The following NLGN1 variants were observed in gnomAD, a reference collection of about 807,000 sequenced individuals.
The protein encoded by NLGN1 is neuroligin 1, also known as neuroligin-1.
In NLGN1, 12 loss-of-function variants were observed where a neutral mutation model predicts 65.5. The observed-to-expected ratio is 0.18, with a 90% CI of 0.12 to 0.30. The LOEUF is 0.30. NLGN1 is among the 10% of genes least tolerant of loss of function. The pLI, the probability that NLGN1 is intolerant of heterozygous loss-of-function variation, is 1.00. For missense variants in NLGN1, 750 were observed against 1,007.1 expected, an observed-to-expected ratio of 0.74 and a Z score of 3.46; for synonymous variants, 350 against 359.5, an observed-to-expected ratio of 0.97 and a Z score of 0.30.
At chr3:173,520,098 C>T (rs1577078287) in intron 2 of NLGN1, among the ~76,000 whole-genome samples, 1 of 152,220 alleles carries the variant, frequency 6.6e-6, no homozygotes, top group East Asian at 1.9e-4. Context: ...CCTGCTTTGG[C>T]CATGTAAAAT....
chr3:173,918,807 A>T (rs1238846238), intron 4 of NLGN1, among the ~76,000 whole-genome samples: 1 of 151,500 alleles, frequency 6.6e-6, no homozygotes, highest in East Asian at 1.9e-4. Context: ...CCACATATTT[A>T]GTGTTATAAA....
At chr3:174,058,808 G>T (rs1736756010) in intron 4 of NLGN1, among the ~76,000 whole-genome samples, 1 of 151,722 alleles carries the variant, frequency 6.6e-6, no homozygotes, top group Non-Finnish European at 1.5e-5. Context: ...ATTTTTTTAA[G>T]AGGCATATTT....
intron 3 of NLGN1, among the ~76,000 whole-genome samples, chr3:173,667,971 T>C (rs1761948161): frequency 6.6e-6 from 1 of 152,164 alleles, no homozygotes; most frequent in Non-Finnish European, 1.5e-5. Flanking sequence ...CATATATAAC[T>C]TCTTAATTTA....
intron 2 of NLGN1, among the ~76,000 whole-genome samples, chr3:173,495,109 A>G (rs1729786370): frequency 6.6e-6 from 1 of 151,786 alleles, no homozygotes; most frequent in Non-Finnish European, 1.5e-5. Context: ...CTATATTAAC[A>G]GTGTTAAGTC....
chr3:174,145,635 A>T (rs1723087211), intron 4 of NLGN1, among the ~76,000 whole-genome samples: 1 of 152,238 alleles, frequency 6.6e-6, no homozygotes. Context: ...TGACATTGCT[A>T]CTTGCATTTT....
chr3:174,242,108 C>T (rs561651313), intron 4 of NLGN1, among the ~76,000 whole-genome samples: 41 of 152,198 alleles, frequency 2.7e-4, no homozygotes, highest in Admixed American at 2.2e-3. Context: ...CAAATTAAGA[C>T]CCTACTACTA....
At chr3:173,609,828 A>C (rs770030511) in intron 3 of NLGN1, among the ~76,000 whole-genome samples, 1 of 151,984 alleles carries the variant, frequency 6.6e-6, no homozygotes, top group South Asian at 2.1e-4. Context: ...ACAGAGTATG[A>C]AAGACCAAGA....
chr3:173,723,586 A>G (rs906603034), intron 3 of NLGN1, among the ~76,000 whole-genome samples: 4 of 152,180 alleles, frequency 2.6e-5, no homozygotes, highest in Non-Finnish European at 4.4e-5. Flanking sequence ...GTTTGTTCAT[A>G]TACAAGCAAT....
downstream of NLGN1, among the ~76,000 whole-genome samples, chr3:174,290,802 C>CA (rs1303145927): frequency 1.3e-5 from 2 of 150,480 alleles, no homozygotes; most frequent in Admixed American, 6.6e-5. Flanking sequence ...CTGATTCTCA[C>CA]AAAAATGTAA....
At chr3:173,780,353 A>G (rs1186807867) in intron 3 of NLGN1, among the ~76,000 whole-genome samples, 1 of 152,216 alleles carries the variant, frequency 6.6e-6, no homozygotes, top group Non-Finnish European at 1.5e-5. Flanking sequence ...GGGGTCATAA[A>G]TGTGTTAAAA....
At chr3:173,446,059 T>C (rs1720215209) in intron 2 of NLGN1, among the ~76,000 whole-genome samples, 1 of 151,072 alleles carries the variant, frequency 6.6e-6, no homozygotes, top group South Asian at 2.1e-4. Context: ...TTTCTTTTTT[T>C]CTTTTTTTTT....
chr3:173,681,336 T>G (rs1050495365), intron 3 of NLGN1, among the ~76,000 whole-genome samples: 3 of 152,220 alleles, frequency 2.0e-5, no homozygotes, highest in Non-Finnish European at 4.4e-5. Flanking sequence ...GGATAATAAT[T>G]GACTGTTAGC....
chr3:173,446,402 T>C (rs1266049965), intron 2 of NLGN1, among the ~76,000 whole-genome samples: 1 of 152,220 alleles, frequency 6.6e-6, no homozygotes, highest in Non-Finnish European at 1.5e-5. Flanking sequence ...AACTCATCAT[T>C]TTTTATGGCT....
chr3:173,604,067 T>C (rs1302071158), intron 2 of NLGN1, among the ~76,000 whole-genome samples: 1 of 152,132 alleles, frequency 6.6e-6, no homozygotes, highest in Non-Finnish European at 1.5e-5. Flanking sequence ...TCCATGTAAA[T>C]GTATATAAAG....
At chr3:173,500,840 C>T (rs1449606530) in intron 2 of NLGN1, among the ~76,000 whole-genome samples, 8 of 151,736 alleles carry the variant, frequency 5.3e-5, no homozygotes, top group African/African-American at 1.9e-4. Flanking sequence ...TGGGCTTATG[C>T]TTCACAACAC....
intron 2 of NLGN1, among the ~76,000 whole-genome samples, chr3:173,582,488 C>A (rs1284343880): frequency 6.6e-6 from 1 of 151,942 alleles, no homozygotes; most frequent in Non-Finnish European, 1.5e-5. Context: ...AAATTTCTGC[C>A]AATTTCATGA....
chr3:173,805,373 GA>G (rs1211958431), intron 3 of NLGN1, among the ~76,000 whole-genome samples: 1 of 152,108 alleles, frequency 6.6e-6, no homozygotes, highest in Non-Finnish European at 1.5e-5. Flanking sequence ...TGAAAAGTTT[GA>G]AAAGGCAAAT....
intron 3 of NLGN1, among the ~76,000 whole-genome samples, chr3:173,614,409 T>C (rs902268263): frequency 4.6e-5 from 7 of 152,092 alleles, no homozygotes; most frequent in African/African-American, 1.7e-4. Context: ...GTATGTTCTG[T>C]GGAGGATCTC....
chr3:173,443,107 C>T (rs1719504078), intron 2 of NLGN1, among the ~76,000 whole-genome samples: 2 of 151,622 alleles, frequency 1.3e-5, no homozygotes, highest in Non-Finnish European at 2.9e-5. Context: ...GGTGTTGTAC[C>T]TAGTGGCTAT....
Sources: gnomAD v4.1 joint callset for allele counts (sites outside exome capture counted in the v4.1 genomes callset) on GRCh38, gnomAD v4.1.1 for gene constraint, MANE v1.5 for transcripts, NCBI Gene and HGNC (gene_info 2026-07-23, HGNC 2026-07-21) for gene names.